The following UNC5C variants were observed in gnomAD, a reference collection of about 807,000 sequenced individuals.
UNC5C encodes unc-5 netrin receptor C, also known as netrin receptor UNC5C.
UNC5C carries 47 observed loss-of-function variants against 99.8 expected under a neutral mutation model. That is an observed-to-expected ratio of 0.47 (90% CI 0.37 to 0.60). The LOEUF (loss-of-function observed/expected upper bound fraction) is 0.60. Ranked by LOEUF, UNC5C falls within the 20% of genes least tolerant of loss-of-function variation. The pLI, the probability that UNC5C is intolerant of heterozygous loss-of-function variation, is 0.00. For synonymous variants in UNC5C, 487 were observed against 452.2 expected, an observed-to-expected ratio of 1.08 and a Z score of -0.98; for missense variants, 1,062 against 1,165.9, an observed-to-expected ratio of 0.91 and a Z score of 1.30.
intron 2 of UNC5C, among the ~76,000 whole-genome samples, chr4:95,326,035 G>C (rs915682725): frequency 6.6e-6 from 1 of 152,130 alleles, no homozygotes; most frequent in Admixed American, 6.5e-5. Flanking sequence ...AGAGCTCTGG[G>C]TTCATATCCT....
intron 6 of UNC5C, among the ~76,000 whole-genome samples, chr4:95,243,288 A>T (rs912283719): frequency 1.3e-5 from 2 of 152,168 alleles, no homozygotes; most frequent in Non-Finnish European, 2.9e-5. Context: ...TCAGTCATTT[A>T]GAACTGACTT....
chr4:95,454,648 G>A (rs1747379199), intron 1 of UNC5C, among the ~76,000 whole-genome samples: 1 of 152,020 alleles, frequency 6.6e-6, no homozygotes, highest in Non-Finnish European at 1.5e-5. Context: ...GAGGGGAAAT[G>A]ATACACTGAG....
chr4:95,414,933 T>C (rs1317174009), intron 1 of UNC5C, among the ~76,000 whole-genome samples: 2 of 152,234 alleles, frequency 1.3e-5, no homozygotes, highest in African/African-American at 4.8e-5. Flanking sequence ...ACCTTTCTTT[T>C]ACAAGTGGGA....
At chr4:95,448,822 T>C (rs1747197959) in intron 1 of UNC5C, among the ~76,000 whole-genome samples, 1 of 152,242 alleles carries the variant, frequency 6.6e-6, no homozygotes, top group Non-Finnish European at 1.5e-5. Flanking sequence ...TATCACTTAA[T>C]GATTCATTGT....
At chr4:95,485,363 C>A (rs1224670711) in intron 1 of UNC5C, among the ~76,000 whole-genome samples, 6 of 151,686 alleles carry the variant, frequency 4.0e-5, no homozygotes, top group Admixed American at 3.9e-4. Flanking sequence ...ATACCACAAG[C>A]TATTTATTTA....
chr4:95,317,363 C>A (rs914696106), intron 2 of UNC5C, among the ~76,000 whole-genome samples: 3 of 152,190 alleles, frequency 2.0e-5, no homozygotes, highest in East Asian at 3.9e-4. Flanking sequence ...GGGAAGCCAA[C>A]TGAGAGCGGC....
chr4:95,452,253 T>C (rs562455279), intron 1 of UNC5C, among the ~76,000 whole-genome samples: 230 of 130,542 alleles, frequency 1.8e-3, no homozygotes, highest in Middle Eastern at 3.8e-3. Context: ...TATAACTTTC[T>C]GATAAAAAAA....
At chr4:95,214,242 T>C (rs1279620364) in intron 10 of UNC5C, among the ~76,000 whole-genome samples, 2 of 152,238 alleles carry the variant, frequency 1.3e-5, no homozygotes, top group Non-Finnish European at 2.9e-5. Context: ...GAAACTGTTA[T>C]CCTCCTGTGT....
intron 10 of UNC5C, among the ~76,000 whole-genome samples, chr4:95,211,339 ATAT>A (rs765157564): frequency 4.4e-4 from 67 of 152,212 alleles, no homozygotes; most frequent in Non-Finnish European, 1.5e-4. Context: ...TGCAAAAATA[ATAT>A]TTATGAAAGC....
chr4:95,543,502 T>C (rs183815362), intron 1 of UNC5C, among the ~76,000 whole-genome samples: 3 of 152,324 alleles, frequency 2.0e-5, no homozygotes, highest in East Asian at 3.9e-4. Context: ...AAAGTTCTGG[T>C]GAATTTTCTT....
intron 1 of UNC5C, among the ~76,000 whole-genome samples, chr4:95,424,259 C>T (rs1403230725): frequency 1.3e-5 from 2 of 152,096 alleles, no homozygotes; most frequent in Non-Finnish European, 2.9e-5. Context: ...TACCCCCACC[C>T]CTCATTCCAA....
intron 1 of UNC5C, among the ~76,000 whole-genome samples, chr4:95,412,275 G>C (rs893939423): frequency 6.6e-6 from 1 of 151,922 alleles, no homozygotes. Flanking sequence ...CGTTAATATC[G>C]CTCCACACAA....
intron 3 of UNC5C, among the ~76,000 whole-genome samples, chr4:95,281,242 A>G (rs1741049401): frequency 2.6e-5 from 4 of 152,234 alleles, no homozygotes; most frequent in Admixed American, 2.6e-4. Flanking sequence ...AAAGTAAGGC[A>G]TATATGTATT....
chr4:95,194,372 C>G (rs1023201551), intron 12 of UNC5C, among the ~76,000 whole-genome samples: 2 of 152,064 alleles, frequency 1.3e-5, no homozygotes, highest in African/African-American at 4.8e-5. Flanking sequence ...AAGAAATCAC[C>G]ACTAACATAG....
At chr4:95,394,651 C>CTG (rs10527279) in intron 1 of UNC5C, among the ~76,000 whole-genome samples, 5,292 of 147,720 alleles carry the variant, frequency 0.036, 195 homozygotes, top group East Asian at 0.18. Flanking sequence ...AAGGTATTTG[C>CTG]TGTGTGTGTG....
At chr4:95,348,437 T>C (rs1463246900) in intron 1 of UNC5C, among the ~76,000 whole-genome samples, 1 of 151,366 alleles carries the variant, frequency 6.6e-6, no homozygotes, top group South Asian at 2.1e-4. Flanking sequence ...AGGAAATCAG[T>C]ATATTGAAGA....
intron 1 of UNC5C, among the ~76,000 whole-genome samples, chr4:95,489,658 G>T (rs1721426547): frequency 6.6e-6 from 1 of 151,734 alleles, no homozygotes; most frequent in South Asian, 2.1e-4. Context: ...GTATGTGTGG[G>T]AGACTGTTAG....
Position 95,250,645 on chromosome 4 carries a change from T to C in UNC5C, c.617A>G (p.Asp206Gly), listed in dbSNP as rs1249709216. Residue 206 changes from aspartate (D) to glycine (G), a missense_variant, in exon 5 of 16, where the codon GAC becomes GGC. By Grantham distance (94) the Asp-to-Gly change is moderately conservative (BLOSUM62 -1). Around this residue, in one of 3 missense-constraint regions of UNC5C, gnomAD observed 249 missense variants for 295.1 expected, o/e 0.84. Transcript: ENST00000453304. ...VAEVEWLKNE[D>G]IIDPVEDRNF... Reference sequence around the variant, plus strand: ...CCGATCTTCAACGGGATCAATTATGTCTTCATTTTTCAACCATTCCACCTA... The same window carrying C: ...CCGATCTTCAACGGGATCAATTATGCCTTCATTTTTCAACCATTCCACCTA... 3.7e-6 allele frequency: 6 copies of C among 1,613,722 alleles called. No individual in the cohort carries two copies. Among genetic ancestry groups the C allele is most frequent in the Non-Finnish European group, 5.1e-6 (6 of 1,179,910 alleles).
intron 4 of UNC5C, among the ~76,000 whole-genome samples, chr4:95,256,848 G>A (rs72881262): frequency 0.012 from 1,810 of 151,816 alleles, 31 homozygotes; most frequent in African/African-American, 0.041. Context: ...TTGAGGTCAG[G>A]AAGGGTCCAG....
Sources: allele counts gnomAD v4.1 joint callset (sites outside exome capture counted in the v4.1 genomes callset), GRCh38; gene constraint gnomAD v4.1.1; regional missense constraint gnomAD v4.1.1; transcripts MANE v1.5; gene names NCBI Gene and HGNC (gene_info 2026-07-23, HGNC 2026-07-21).